Variants in ATF2 observed in about 807,000 individuals in gnomAD.
ATF2 encodes cyclic AMP-dependent transcription factor ATF-2.
A neutral mutation model predicts 60.6 loss-of-function variants in ATF2; 24 were observed. The ratio of observed to expected loss-of-function variants is 0.40; its 90% CI spans 0.29 to 0.56. ATF2 has a LOEUF of 0.56. Ranked by LOEUF, ATF2 falls within the 20% of genes least tolerant of loss-of-function variation. ATF2 has a pLI of 0.54. For missense variants in ATF2, 433 were observed against 607.7 expected (o/e 0.71, Z 3.02); for synonymous variants, 206 against 215.4 (o/e 0.96, Z 0.38).
At chr2:175,153,158 C>T (rs979740991) in intron 1 of ATF2, among the ~76,000 whole-genome samples, 7 of 152,164 alleles carry the variant, frequency 4.6e-5, no homozygotes, top group Non-Finnish European at 8.8e-5. Context: ...TATGTCTTAA[C>T]ACATGCAATG....
Position 175,111,626 on chromosome 2 carries a change from C to A in ATF2, c.770G>T (p.Ser257Ile). 1 of 1,613,870 alleles carries A rather than the reference C, an allele frequency of 6.2e-7. No individual in the cohort carries two copies. Among genetic ancestry groups the A allele is most frequent in the Non-Finnish European group, 8.5e-7 (1 of 1,179,884 alleles). The change falls in exon 10 of 14, where the codon AGT (serine) becomes ATT (isoleucine). Residue 257 changes from serine to isoleucine, a missense_variant. Physicochemically the swap from Ser to Ile is moderately radical, Grantham distance 142. Coordinates refer to ENST00000264110, the MANE Select transcript of ATF2 (RefSeq NM_001880.4). ...PLVRPVTMVP[S>I]VPGIPGPSSP... is the part of the protein sequence containing the mutation. The stretch of plus-strand genomic sequence containing the variant: ...GGAAGGACCTGGGATTCCTGGAACA[C>A]TAGGCACCATGGTGACTGGTCGAAC...
intron 2 of ATF2, among the ~76,000 whole-genome samples, chr2:175,136,992 T>C (rs554651605): frequency 7.2e-5 from 11 of 152,300 alleles, no homozygotes; most frequent in South Asian, 6.2e-4. Flanking sequence ...ACTACTCAGA[T>C]TGATGACCCA....
At chr2:175,127,170 T>C (rs1198944094) in intron 4 of ATF2, 1 of 151,934 alleles carries the variant, frequency 6.6e-6, no homozygotes, top group Non-Finnish European at 1.5e-5. Context: ...GCCCAGGAGG[T>C]TGAGGCTTCA....
chr2:175,113,810 G>C (rs61094878), intron 9 of ATF2, among the ~76,000 whole-genome samples, 184 bp downstream of exon 9: 1 of 151,570 alleles, frequency 6.6e-6, no homozygotes, highest in African/African-American at 2.4e-5. Flanking sequence ...GTTTTGGGGA[G>C]AAGAGAAAAA....
intron 3 of ATF2, among the ~76,000 whole-genome samples, chr2:175,131,408 T>G (rs1697717524): frequency 6.6e-6 from 1 of 152,174 alleles, no homozygotes; most frequent in South Asian, 2.1e-4. Flanking sequence ...CCTGAAAAGT[T>G]AAGACTGAGG....
chr2:175,156,433 C>T (rs2105345662), intron 1 of ATF2, among the ~76,000 whole-genome samples: 1 of 146,184 alleles, frequency 6.8e-6, no homozygotes, highest in African/African-American at 2.5e-5. Context: ...AAGATAGATT[C>T]CTGGGTTATC....
In ATF2 at chr2:175,074,824, C is replaced by G. The variant is rs1487016814; in HGVS notation, c.1303G>C (p.Asp435His). 6.2e-7 allele frequency: 1 copy of G among 1,613,390 alleles called. No homozygotes were observed. The highest frequency in any genetic ancestry group is 8.5e-7 in the Non-Finnish European group (1 of 1,179,578). ...ACTGAAATGTCTTCTGAACTATCAT[C>G]TTTATCAGCAGCTGGGTGGAAAAAA... is the stretch of plus-strand genomic sequence containing the variant. ...KKSGYHTADK[D>H]DSSEDISVPS... Residue 435 changes from aspartate to histidine, a missense_variant, in exon 14 of 14, where the codon GAT (aspartate) becomes CAT (histidine). Physicochemically the swap from Asp to His is moderately conservative, Grantham distance 81. Around this residue, in one of 5 missense-constraint regions of ATF2, gnomAD observed 114 missense variants for 104.0 expected, o/e 1.10. Coordinates refer to ENST00000264110, the MANE Select transcript of ATF2 (RefSeq NM_001880.4).
chr2:175,087,554 A>G (rs1306703638), intron 12 of ATF2, among the ~76,000 whole-genome samples: 1 of 152,220 alleles, frequency 6.6e-6, no homozygotes, highest in African/African-American at 2.4e-5. Flanking sequence ...ATATTTGGCC[A>G]TGAATATCAG....
At chr2:175,140,169 T>C (rs1350745673) in intron 2 of ATF2, among the ~76,000 whole-genome samples, 2 of 152,164 alleles carry the variant, frequency 1.3e-5, no homozygotes, top group African/African-American at 4.8e-5. Flanking sequence ...ATGTTTACAA[T>C]GCCTTGTGGG....
At chr2:175,086,241 T>C (rs963094902) in intron 12 of ATF2, among the ~76,000 whole-genome samples, 1 of 152,212 alleles carries the variant, frequency 6.6e-6, no homozygotes, top group Non-Finnish European at 1.5e-5. Context: ...ACTTGTATTA[T>C]TACTGTACTC....
rs567220704 is a variant in ATF2 at position 175,159,881 on chromosome 2, T to A, written c.-143+8169A>T. Among the ~76,000 whole-genome samples the A allele has an allele frequency of 2.6e-5, 4 of 152,334 alleles. No homozygotes were observed. In the East Asian group the frequency reaches 7.7e-4, roughly 29 times the overall value. ...CCTTAGATTTGGTAACAGAATTATG[T>A]GGTCTAAGGTCCATAGCATTATTTT... On this transcript the variant is annotated intron_variant, in intron 1 of 13. Coordinates refer to ENST00000264110, the MANE Select transcript of ATF2 (RefSeq NM_001880.4).
intron 1 of ATF2, among the ~76,000 whole-genome samples, chr2:175,161,169 AAT>A (rs2105363977): frequency 6.6e-6 from 1 of 152,354 alleles, no homozygotes; most frequent in Admixed American, 6.5e-5. Flanking sequence ...GGAACAAAAA[AAT>A]ATGAGACATT....
chr2:175,094,426 A>AAAAAAAAAAAG (rs1559059455), intron 11 of ATF2, among the ~76,000 whole-genome samples: 4 of 143,978 alleles, frequency 2.8e-5, no homozygotes, highest in African/African-American at 8.1e-5. Context: ...AAAAAAAAAA[A>AAAAAAAAAAAG]AAAGAAAGAA....
At chr2:175,093,027 G>T (rs771135033) in intron 12 of ATF2, 34 bp downstream of exon 12, 1 of 1,583,908 alleles carries the variant, frequency 6.3e-7, no homozygotes, top group South Asian at 1.2e-5. Flanking sequence ...TATTAAAAAA[G>T]AAATAAAACA....
At chr2:175,089,191 A>AAAC (rs1553502153) in intron 12 of ATF2, among the ~76,000 whole-genome samples, 5 of 152,076 alleles carry the variant, frequency 3.3e-5, no homozygotes, top group Non-Finnish European at 7.4e-5. Flanking sequence ...CAAAAAAAAA[A>AAAC]ACAATAATTT....
Position 175,114,684 on chromosome 2 carries a change from A to T in ATF2, c.626+6T>A. On this transcript the variant is annotated splice_donor_region_variant and intron_variant, in intron 8 of 13. Coordinates refer to ENST00000264110, the MANE Select transcript of ATF2 (RefSeq NM_001880.4). ...ATATGTTCAATGATTGGCCTGAATC[A>T]CTTACACAATTGGCCTGTTAGAGGA... 6.2e-7 allele frequency: 1 copy of T among 1,611,606 alleles called. No individual in the cohort carries two copies. Among genetic ancestry groups the T allele is most frequent in the Non-Finnish European group, 8.5e-7 (1 of 1,178,240 alleles).
At chr2:175,119,733 T>C (rs1423310195) in intron 5 of ATF2, among the ~76,000 whole-genome samples, 1 of 151,672 alleles carries the variant, frequency 6.6e-6, no homozygotes, top group Non-Finnish European at 1.5e-5. Flanking sequence ...CATGACTAAA[T>C]TAGTAGGTCA....
rs140323803 is a variant in ATF2, at chr2:175,082,052, C to T, written c.1186-1287G>A. Among the ~76,000 whole-genome samples the T allele has an allele frequency of 1.4e-3, 209 of 152,108 alleles. 1 individual carries two copies. The highest frequency in any genetic ancestry group is 4.8e-3 in the African/African-American group (199 of 41,504). Reference sequence around the variant, plus strand: ...CAGCCTTGGTGACAGAGTGAGACTCCGTCTCAAAAAAAATAAATGAAATAA... The same window carrying T: ...CAGCCTTGGTGACAGAGTGAGACTCTGTCTCAAAAAAAATAAATGAAATAA... On this transcript the variant is annotated intron_variant, in intron 12 of 13. Transcript: ENST00000264110.
Position 175,122,400 on chromosome 2 carries a change from GT to G in ATF2, c.103-861del, listed in dbSNP as rs553359313. 4.6e-3 allele frequency among the ~76,000 whole-genome samples: 696 copies of G among 152,036 alleles called. 1 individual carries two copies. Among genetic ancestry groups the G allele is most frequent in the Middle Eastern group, 0.034 (10 of 294 alleles). On this transcript the variant is annotated intron_variant, in intron 4 of 13. Transcript: ENST00000264110. The stretch of plus-strand genomic sequence containing the variant: ...CAGAGCAATAATTTTAAAATGCTAA[GT>G]TAACAGATCTCAATTCACTCTTTAT...
Sources: gnomAD v4.1 joint callset for allele counts (sites outside exome capture counted in the v4.1 genomes callset) on GRCh38, gnomAD v4.1.1 for gene constraint, gnomAD v4.1.1 regional missense constraint, MANE v1.5 for transcripts, NCBI Gene and HGNC (gene_info 2026-07-23, HGNC 2026-07-21) for gene names.